Variants in URI1 observed in about 807,000 individuals in gnomAD.
URI1 encodes URI1 prefoldin like chaperone, also known as unconventional prefoldin RPB5 interactor 1.
URI1 carries 39 observed loss-of-function variants against 60.2 expected under a neutral mutation model. The ratio of observed to expected loss-of-function variants is 0.65; its 90% CI spans 0.50 to 0.85. The LOEUF (loss-of-function observed/expected upper bound fraction) is 0.85. URI1 is among the 40% of genes least tolerant of loss of function. The probability of loss-of-function intolerance (pLI) is 0.00; values close to 1 mark genes in which losing one functional copy is unlikely to be tolerated. For missense variants in URI1, 691 were observed against 665.9 expected (o/e 1.04, Z -0.42); for synonymous variants, 251 against 236.8 (o/e 1.06, Z -0.55).
At chr19:29,972,532 A>C (rs777691050) in intron 2 of URI1, among the ~76,000 whole-genome samples, 5 of 152,106 alleles carry the variant, frequency 3.3e-5, no homozygotes, top group Non-Finnish European at 7.4e-5. Context: ...TATTCACTGG[A>C]AATAGATGCT....
chr19:29,952,868 T>C (rs985875752), intron 1 of URI1, among the ~76,000 whole-genome samples: 10 of 152,218 alleles, frequency 6.6e-5, no homozygotes, highest in Admixed American at 1.3e-4. Context: ...AACGCTGTCA[T>C]TCTCCCCTCC....
chr19:29,952,534 A>G (rs2145259096), intron 1 of URI1, among the ~76,000 whole-genome samples: 1 of 149,854 alleles, frequency 6.7e-6, no homozygotes, highest in African/African-American at 2.5e-5. Flanking sequence ...AGGACTTAAA[A>G]CAATACAAAG....
chr19:29,932,238 CTAAG>C (rs1599646855), intron 1 of URI1, among the ~76,000 whole-genome samples: 1 of 152,008 alleles, frequency 6.6e-6, no homozygotes, highest in Non-Finnish European at 1.5e-5. Context: ...TCCTACTTTA[CTAAG>C]TGTTTTATCT....
At chr19:29,934,302 A>G (rs1033887724) in intron 1 of URI1, among the ~76,000 whole-genome samples, 2 of 152,076 alleles carry the variant, frequency 1.3e-5, no homozygotes, top group African/African-American at 4.8e-5. Flanking sequence ...TAAGCCACAT[A>G]GTTAGGTTAT....
At position 30,005,389 on chromosome 19, in the gene URI1, A is replaced by T. The variant is rs200193659; in HGVS notation, c.396A>T (p.Lys132Asn). 1 of 1,602,682 alleles carries T rather than the reference A, an allele frequency of 6.2e-7. No individual in the cohort carries two copies. The highest frequency in any genetic ancestry group is 1.7e-5 in the Admixed American group (1 of 57,774). ...TAAGAAAAACAATAGATGACTTAAAAAAAGTGATGAAAAATTTTGAATCCA... is the reference window on the plus strand; with the variant it reads ...TAAGAAAAACAATAGATGACTTAAATAAAGTGATGAAAAATTTTGAATCCA... The part of the protein sequence containing the change: ...EHVRKTIDDL[K>N]KVMKNFESRV... The change falls in exon 5 of 11, where the codon AAA becomes AAT. Residue 132 changes from lysine to asparagine, a missense_variant. By Grantham distance (94) the Lys-to-Asn change is moderately conservative. Transcript: ENST00000392271.
Position 29,948,980 on chromosome 19 carries a change from C to T in URI1, c.117+6316C>T, listed in dbSNP as rs564047410. Among the ~76,000 whole-genome samples the T allele has an allele frequency of 7.7e-4, 115 of 149,734 alleles. 1 individual carries two copies. Among genetic ancestry groups the T allele is most frequent in the Middle Eastern group, 3.5e-3 (1 of 286 alleles). On this transcript the variant is annotated intron_variant, in intron 1 of 10. Coordinates refer to ENST00000392271, the MANE Select transcript of URI1 (RefSeq NM_003796.3). ...CCGGGCGGAGGCGCCCCCCACCTCC[C>T]GGACGGGGCGGCTGGCCAGGCGGGG...
At position 29,942,438 on chromosome 19, in the gene URI1, C is replaced by CGCGCGGT; in HGVS notation, c.-107_-101dup. On this transcript the variant is annotated 5_prime_UTR_variant, in exon 1 of 11. The change abolishes the stop of an existing upstream ORF in the 5' untranslated region. Coordinates refer to ENST00000392271, the MANE Select transcript of URI1 (RefSeq NM_003796.3). ...CGGGCGCGGCCTCCTGGGCGCGGGGCGCGCGGTGCCTGAGGGCGGGCGCGC... is the reference window on the plus strand; with the variant it reads ...CGGGCGCGGCCTCCTGGGCGCGGGGCGCGCGGTGCGCGGTGCCTGAGGGCGGGCGCGC... 1 of 988,086 alleles carries CGCGCGGT rather than the reference C, an allele frequency of 1.0e-6. No homozygotes were observed. Among genetic ancestry groups the CGCGCGGT allele is most frequent in the African/African-American group, 1.8e-5 (1 of 57,042 alleles). The allele number at this position is 988,086 out of a possible 1,614,324, so 61.2% of individuals were successfully genotyped here. A position where few individuals can be genotyped will look rare whatever the true frequency, so the allele number is the denominator to read the frequency against.
In URI1 at chr19:30,012,208, C is replaced by G. The variant is rs2056029603; in HGVS notation, c.1179-77C>G. ...TTCAGATTAATTTCTAGAATAGATT[C>G]AAGGAAATTTTCAAAAAGTTGTTCT... On this transcript the variant is annotated intron_variant, in intron 9 of 10. Transcript: ENST00000392271. 3.4e-6 allele frequency: 5 copies of G among 1,470,916 alleles called. No individual in the cohort carries two copies. In the Admixed American group the frequency reaches 7.2e-5, roughly 21 times the overall value. 91.1% of individuals were successfully genotyped at this position (1,470,916 alleles called of 1,614,324 possible).
At chr19:29,944,195 A>G (rs560629193) in intron 1 of URI1, among the ~76,000 whole-genome samples, 1 of 115,096 alleles carries the variant, frequency 8.7e-6, no homozygotes, top group African/African-American at 3.4e-5. Context: ...ATATATATAA[A>G]ACTTAACTAG....
At chr19:29,964,326 G>A (rs1263788291) in intron 1 of URI1, among the ~76,000 whole-genome samples, 2 of 151,900 alleles carry the variant, frequency 1.3e-5, no homozygotes, top group Admixed American at 6.6e-5. Flanking sequence ...AGCTTTTTTT[G>A]TCCTACTTGG....
At position 30,015,295 on chromosome 19, in the gene URI1, T is replaced by C. The variant is rs2056072734; in HGVS notation, c.*226T>C. The stretch of plus-strand genomic sequence containing the variant: ...AATTCTCTGAATACTGTCAACACTC[T>C]TATCTAAGTTTGCCTTTATGATGCA... On this transcript the variant is annotated 3_prime_UTR_variant, in exon 11 of 11. Coordinates refer to ENST00000392271, the MANE Select transcript of URI1 (RefSeq NM_003796.3). The C allele has an allele frequency of 1.4e-6, 2 of 1,417,554 alleles. No homozygotes were observed. Among genetic ancestry groups the C allele is most frequent in the African/African-American group, 2.9e-5 (2 of 69,454 alleles). 87.8% of individuals were successfully genotyped at this position (1,417,554 alleles called of 1,614,324 possible).
At chr19:29,932,808 C>T (rs1599647322) in intron 1 of URI1, among the ~76,000 whole-genome samples, 2 of 151,564 alleles carry the variant, frequency 1.3e-5, no homozygotes, top group Non-Finnish European at 2.9e-5. Context: ...CCCATCACCA[C>T]ATCCAGCTAA....
chr19:29,939,770 A>T (rs117250068), upstream of URI1, among the ~76,000 whole-genome samples: 109 of 152,336 alleles, frequency 7.2e-4, 1 homozygote, highest in East Asian at 0.017. Context: ...GCAGGCAGAG[A>T]GATCAGCAGG....
At chr19:29,944,131 C>T in intron 1 of URI1, among the ~76,000 whole-genome samples, 1 of 60,222 alleles carries the variant, frequency 1.7e-5, no homozygotes, top group African/African-American at 5.8e-5. Context: ...AGAGTGAGAC[C>T]CTGTCATTCA....
At chr19:29,971,126 A>C (rs1490704350) in intron 1 of URI1, 67 bp from the exon 2 acceptor site, 2 of 1,477,238 alleles carry the variant, frequency 1.4e-6, no homozygotes, top group South Asian at 2.3e-5. Context: ...GTTTTCAGAT[A>C]CACTGATTTT....
intron 4 of URI1, among the ~76,000 whole-genome samples, chr19:30,003,154 C>T (rs1255947296): frequency 6.6e-6 from 1 of 151,920 alleles, no homozygotes; most frequent in Non-Finnish European, 1.5e-5. Context: ...CCTGTAGATA[C>T]GAATTTAGAC....
chr19:29,990,519 G>A (rs1420000748), intron 4 of URI1, among the ~76,000 whole-genome samples: 1 of 152,196 alleles, frequency 6.6e-6, no homozygotes, highest in Non-Finnish European at 1.5e-5. Flanking sequence ...CTAATAACAG[G>A]TGAATAAGTG....
chr19:29,952,576 C>G (rs1225232048), intron 1 of URI1, among the ~76,000 whole-genome samples: 2 of 151,802 alleles, frequency 1.3e-5, no homozygotes, highest in Non-Finnish European at 3.0e-5. Context: ...GCTTTAAGAA[C>G]CTATTTCTGG....
At chr19:29,946,737 C>T (rs773846692) in intron 1 of URI1, among the ~76,000 whole-genome samples, 6 of 152,178 alleles carry the variant, frequency 3.9e-5, no homozygotes, top group Non-Finnish European at 8.8e-5. Flanking sequence ...CTGTCAGCCA[C>T]GTAGGCCATA....
Sources: allele counts gnomAD v4.1 joint callset (sites outside exome capture counted in the v4.1 genomes callset), GRCh38; gene constraint gnomAD v4.1.1; transcripts MANE v1.5; gene names NCBI Gene and HGNC (gene_info 2026-07-23, HGNC 2026-07-21).